LINGO1: variants seen among roughly 807,000 people sequenced by gnomAD.
LINGO1 encodes leucine rich repeat and Ig domain containing 1, also known as leucine-rich repeat and immunoglobulin-like domain-containing nogo receptor-interacting protein 1.
LINGO1 carries 11 observed loss-of-function variants against 37.3 expected under a neutral mutation model. That is an observed-to-expected ratio of 0.29 (90% CI 0.19 to 0.49). The LOEUF is 0.49. Among genes scored for constraint, LINGO1 ranks in the 20% least tolerant of loss-of-function variants. LINGO1 has a pLI of 0.99. For synonymous variants in LINGO1, 387 were observed against 403.0 expected (o/e 0.96, Z 0.48); for missense variants, 585 against 878.2 (o/e 0.67, Z 4.22).
intron 1 of LINGO1, among the ~76,000 whole-genome samples, chr15:77,800,022 C>T (rs963858185): frequency 7.9e-5 from 12 of 152,076 alleles, no homozygotes; most frequent in Admixed American, 3.3e-4. Flanking sequence ...GGGAAAGAGC[C>T]GCAAGGAAAG....
chr15:77,703,913 T>C (rs1223533864), intron 2 of LINGO1, among the ~76,000 whole-genome samples: 1 of 152,090 alleles, frequency 6.6e-6, no homozygotes, highest in Non-Finnish European at 1.5e-5. Context: ...GAAGATTCTA[T>C]GGGGGACCCA....
chr15:77,721,995 C>G (rs933744312), intron 2 of LINGO1, among the ~76,000 whole-genome samples: 1 of 152,154 alleles, frequency 6.6e-6, no homozygotes, highest in Non-Finnish European at 1.5e-5. Flanking sequence ...GCTCACCTTC[C>G]GAGGCTGCCT....
At chr15:77,698,172 C>T (rs1237592313), upstream of LINGO1, among the ~76,000 whole-genome samples, 1 of 152,128 alleles carries the variant, frequency 6.6e-6, no homozygotes, top group African/African-American at 2.4e-5. Context: ...GAGGCAGAAA[C>T]TGCAAAGTGA....
chr15:77,745,431 A>AG (rs1175020548), intron 1 of LINGO1, among the ~76,000 whole-genome samples: 8 of 134,232 alleles, frequency 6.0e-5, no homozygotes, highest in Admixed American at 2.3e-4. Flanking sequence ...TCTCAAAAGA[A>AG]AAAAAAAAAA....
intron 2 of LINGO1, among the ~76,000 whole-genome samples, chr15:77,731,095 T>A (rs931196482): frequency 6.6e-6 from 1 of 152,194 alleles, no homozygotes; most frequent in East Asian, 1.9e-4. Context: ...GAGAATTATT[T>A]TTATTATTCC....
intron 3 of LINGO1, among the ~76,000 whole-genome samples, chr15:77,658,188 C>T (rs918828717): frequency 2.0e-5 from 3 of 152,208 alleles, no homozygotes; most frequent in Non-Finnish European, 2.9e-5. Context: ...CCCTGGAGTC[C>T]GGCGCATGCC....
intron 2 of LINGO1, among the ~76,000 whole-genome samples, chr15:77,685,977 C>T (rs1450377944): frequency 2.6e-5 from 4 of 152,190 alleles, no homozygotes; most frequent in Non-Finnish European, 5.9e-5. Flanking sequence ...GCCTGGGCTT[C>T]CCCAGGTGGG....
At chr15:77,718,978 G>A (rs941294122) in intron 2 of LINGO1, among the ~76,000 whole-genome samples, 1 of 150,572 alleles carries the variant, frequency 6.6e-6, no homozygotes, top group Middle Eastern at 3.2e-3. Context: ...TGGGGAAACC[G>A]ACAAGGCCTC....
intron 2 of LINGO1, among the ~76,000 whole-genome samples, chr15:77,724,846 T>C (rs1426261175): frequency 6.6e-6 from 1 of 152,150 alleles, no homozygotes; most frequent in Admixed American, 6.5e-5. Context: ...ACAGTCTACC[T>C]TGGCAGACCT....
At chr15:77,667,915 T>A (rs1215715848) in intron 3 of LINGO1, 1 of 152,476 alleles carries the variant, frequency 6.6e-6, no homozygotes, top group South Asian at 2.1e-4. Context: ...TGGGCAGAGT[T>A]CTCTCCACTG....
At chr15:77,770,189 A>G (rs757277440) in intron 1 of LINGO1, among the ~76,000 whole-genome samples, 1 of 152,270 alleles carries the variant, frequency 6.6e-6, no homozygotes, top group Middle Eastern at 3.4e-3. Flanking sequence ...CTTCTTTCCA[A>G]GGAGAGACCA....
chr15:77,753,082 G>A (rs1055231048), intron 1 of LINGO1, among the ~76,000 whole-genome samples: 5 of 152,168 alleles, frequency 3.3e-5, no homozygotes, highest in East Asian at 3.8e-4. Context: ...TGGCTTTCTC[G>A]CCGTTGTCAT....
intron 1 of LINGO1, among the ~76,000 whole-genome samples, chr15:77,754,276 G>A (rs2076399102): frequency 6.7e-6 from 1 of 149,816 alleles, no homozygotes; most frequent in Non-Finnish European, 1.5e-5. Flanking sequence ...GGCAAGAAGT[G>A]TGGAGGGAAG....
At chr15:77,710,725 G>A (rs868572740) in intron 2 of LINGO1, among the ~76,000 whole-genome samples, 3 of 152,248 alleles carry the variant, frequency 2.0e-5, no homozygotes, top group Non-Finnish European at 2.9e-5. Context: ...GCCCACCTGC[G>A]AGGGAGGACG....
At chr15:77,818,595 C>G (rs894505062) in intron 1 of LINGO1, among the ~76,000 whole-genome samples, 1 of 152,174 alleles carries the variant, frequency 6.6e-6, no homozygotes, top group Non-Finnish European at 1.5e-5. Context: ...TTCCAGCCAC[C>G]GTCCTGAGGA....
chr15:77,742,728 C>T (rs1169385300), intron 1 of LINGO1, among the ~76,000 whole-genome samples: 3 of 152,192 alleles, frequency 2.0e-5, no homozygotes, highest in Non-Finnish European at 2.9e-5. Context: ...TCAGGGGGAC[C>T]GAATTCCAAA....
At chr15:77,618,155 GC>G (rs1393849036) in intron 1 of LINGO1, among the ~76,000 whole-genome samples, 1 of 152,238 alleles carries the variant, frequency 6.6e-6, no homozygotes, top group Non-Finnish European at 1.5e-5. Context: ...CCAGCTCAGG[GC>G]CAGGCTGGCG....
intron 1 of LINGO1, among the ~76,000 whole-genome samples, chr15:77,770,470 C>T (rs2076573473): frequency 6.6e-6 from 1 of 151,656 alleles, no homozygotes; most frequent in Non-Finnish European, 1.5e-5. Context: ...GCCTGTAATT[C>T]CAGCTACTCA....
chr15:77,817,783 C>T (rs1041692710), intron 1 of LINGO1, among the ~76,000 whole-genome samples: 4 of 152,176 alleles, frequency 2.6e-5, no homozygotes, highest in African/African-American at 9.7e-5. Context: ...AAAGGGCTGT[C>T]CTAAGACTTA....
Sources: allele counts gnomAD v4.1 joint callset (sites outside exome capture counted in the v4.1 genomes callset), GRCh38; gene constraint gnomAD v4.1.1; transcripts MANE v1.5; gene names NCBI Gene and HGNC (gene_info 2026-07-23, HGNC 2026-07-21).